NRG1: variants seen among roughly 807,000 people sequenced by gnomAD.
NRG1 encodes pro-neuregulin-1, membrane-bound isoform.
Under a neutral mutation model 63.8 loss-of-function variants are expected in NRG1, and 18 were observed. The ratio of observed to expected loss-of-function variants is 0.28; its 90% CI spans 0.19 to 0.42. NRG1 has a LOEUF of 0.42. NRG1 is among the 10% of genes least tolerant of loss of function. The probability of loss-of-function intolerance (pLI) is 1.00; values close to 1 mark genes in which losing one functional copy is unlikely to be tolerated. For synonymous variants in NRG1, 302 were observed against 301.3 expected (o/e 1.00, Z -0.02); for missense variants, 762 against 814.7 (o/e 0.94, Z 0.79).
At chr8:32,565,069 CA>C (rs148891652) in intron 1 of NRG1, among the ~76,000 whole-genome samples, 1 of 151,210 alleles carries the variant, frequency 6.6e-6, no homozygotes, top group African/African-American at 2.4e-5. Flanking sequence ...GACCCAGTCT[CA>C]AAAAAAAATT....
At chr8:31,872,468 A>C (rs1410582669) in intron 1 of NRG1, among the ~76,000 whole-genome samples, 1 of 152,092 alleles carries the variant, frequency 6.6e-6, no homozygotes, top group African/African-American at 2.4e-5. Flanking sequence ...AAAGTTTTTC[A>C]TTTTCCTGGT....
intron 5 of NRG1, among the ~76,000 whole-genome samples, chr8:32,725,870 A>C (rs1822042392): frequency 6.6e-6 from 1 of 152,194 alleles, no homozygotes; most frequent in African/African-American, 2.4e-5. Context: ...TATTATGTTA[A>C]GATTATATGC....
chr8:32,738,850 T>A (rs1825725008), intron 6 of NRG1, among the ~76,000 whole-genome samples: 1 of 152,216 alleles, frequency 6.6e-6, no homozygotes, highest in South Asian at 2.1e-4. Context: ...GGCTACATCC[T>A]TTTGTTGCTG....
intron 1 of NRG1, among the ~76,000 whole-genome samples, chr8:31,859,425 A>G (rs1270734279): frequency 6.6e-6 from 1 of 152,162 alleles, no homozygotes; most frequent in African/African-American, 2.4e-5. Flanking sequence ...TCTATACCTA[A>G]TGATTACATT....
chr8:31,862,026 A>C (rs1828518655), intron 1 of NRG1, among the ~76,000 whole-genome samples: 1 of 152,194 alleles, frequency 6.6e-6, no homozygotes, highest in African/African-American at 2.4e-5. Flanking sequence ...GTATAATGTT[A>C]TGCTGGAGTT....
intron 1 of NRG1, among the ~76,000 whole-genome samples, chr8:32,376,443 C>T (rs1809633480): frequency 6.6e-6 from 1 of 152,126 alleles, no homozygotes; most frequent in Non-Finnish European, 1.5e-5. Flanking sequence ...ACCCCCATTC[C>T]CTTGACATGG....
intron 1 of NRG1, among the ~76,000 whole-genome samples, chr8:31,800,287 G>T (rs911722413): frequency 6.6e-6 from 1 of 152,266 alleles, no homozygotes; most frequent in South Asian, 2.1e-4. Context: ...GTGGTGGGGC[G>T]AGGTAACATC....
chr8:31,902,821 A>G (rs1053383025), intron 1 of NRG1, among the ~76,000 whole-genome samples: 5 of 152,208 alleles, frequency 3.3e-5, no homozygotes, highest in African/African-American at 1.2e-4. Flanking sequence ...CCCAACCCAC[A>G]TGGCCATGTT....
At chr8:31,830,230 A>G (rs1437508550) in intron 1 of NRG1, among the ~76,000 whole-genome samples, 1 of 152,314 alleles carries the variant, frequency 6.6e-6, no homozygotes, top group Non-Finnish European at 1.5e-5. Flanking sequence ...CTAGACAGAG[A>G]AGAAAAAGAT....
chr8:31,888,424 A>AT (rs1055239240), intron 1 of NRG1, among the ~76,000 whole-genome samples: 7 of 151,436 alleles, frequency 4.6e-5, no homozygotes, highest in South Asian at 4.2e-4. Flanking sequence ...AACATTTTCA[A>AT]TTTTTTTTTC....
At chr8:32,133,011 C>T (rs1835049433) in intron 1 of NRG1, among the ~76,000 whole-genome samples, 1 of 151,726 alleles carries the variant, frequency 6.6e-6, no homozygotes. Context: ...CCCCTTTCCC[C>T]CCACTCTCTC....
intron 1 of NRG1, among the ~76,000 whole-genome samples, chr8:31,794,276 G>C (rs1006456620): frequency 6.6e-6 from 1 of 152,054 alleles, no homozygotes; most frequent in Admixed American, 6.6e-5. Context: ...GACAGGGATA[G>C]ACCTTCTTCA....
chr8:32,340,732 A>G (rs1803967786), intron 1 of NRG1, among the ~76,000 whole-genome samples: 1 of 152,204 alleles, frequency 6.6e-6, no homozygotes, highest in Non-Finnish European at 1.5e-5. Context: ...CACAGAATAC[A>G]TGCCTGAGCT....
At chr8:32,251,122 T>C (rs1317314262) in intron 1 of NRG1, among the ~76,000 whole-genome samples, 1 of 151,956 alleles carries the variant, frequency 6.6e-6, no homozygotes, top group East Asian at 1.9e-4. Flanking sequence ...GTTTGTTACA[T>C]AGGCATACGC....
chr8:32,742,667 TCTCTC>T lies in NRG1; in HGVS notation c.633-7_633-3del. ...TTTCTACCATTGTTTTTTTGTTTCT[TCTCTC>T]AGGTGCCCAAATGAGTTTACTGGTG... On this transcript the variant is annotated splice_region_variant and splice_polypyrimidine_tract_variant and intron_variant, in intron 6 of 11. Coordinates refer to ENST00000356819, the Ensembl canonical transcript of NRG1. The surrounding 1 kb of genome is among the most constrained non-coding windows in gnomAD (Gnocchi z 4.2). The T allele has an allele frequency of 6.2e-7, 1 of 1,613,196 alleles. No homozygotes were observed. The highest frequency in any genetic ancestry group is 8.5e-7 in the Non-Finnish European group (1 of 1,179,298).
chr8:32,285,550 C>T (rs976115758), intron 1 of NRG1, among the ~76,000 whole-genome samples: 2 of 152,154 alleles, frequency 1.3e-5, no homozygotes, highest in East Asian at 1.9e-4. Context: ...GTCTAGTGCT[C>T]CTTTCCCTGC....
intron 5 of NRG1, among the ~76,000 whole-genome samples, chr8:32,693,256 T>C (rs2128941299): frequency 6.6e-6 from 1 of 150,982 alleles, no homozygotes; most frequent in South Asian, 2.1e-4. Context: ...TCTCGCTCTG[T>C]CACCCAGGCT....
chr8:32,540,816 G>A (rs568811542), intron 1 of NRG1, among the ~76,000 whole-genome samples: 1 of 152,262 alleles, frequency 6.6e-6, no homozygotes, highest in East Asian at 1.9e-4. Flanking sequence ...GCACCTATGG[G>A]AAAGAGTTGG....
chr8:32,306,655 T>C (rs909207756), intron 1 of NRG1, among the ~76,000 whole-genome samples: 2 of 152,212 alleles, frequency 1.3e-5, no homozygotes, highest in Admixed American at 6.5e-5. Flanking sequence ...CTCAAAAGCC[T>C]TGACTCTGTA....
Sources: allele counts gnomAD v4.1 joint callset (sites outside exome capture counted in the v4.1 genomes callset), GRCh38; gene constraint gnomAD v4.1.1; non-coding constraint Gnocchi (gnomAD v3.1); transcripts MANE v1.5; gene names NCBI Gene and HGNC (gene_info 2026-07-23, HGNC 2026-07-21).